The following WDR70 variants were observed in gnomAD, a reference collection of about 807,000 sequenced individuals.
The protein encoded by WDR70 is WD repeat-containing protein 70.
WDR70 carries 53 observed loss-of-function variants against 88.6 expected under a neutral mutation model. The observed-to-expected ratio is 0.60, with a 90% CI of 0.48 to 0.75. WDR70 has a LOEUF of 0.75. Among genes scored for constraint, WDR70 ranks in the 30% least tolerant of loss-of-function variants. The probability of loss-of-function intolerance (pLI) is 0.00; values close to 1 mark genes in which losing one functional copy is unlikely to be tolerated. For missense variants in WDR70, 610 were observed against 823.2 expected (o/e 0.74, Z 3.17); for synonymous variants, 280 against 270.0 (o/e 1.04, Z -0.36).
intron 10 of WDR70, among the ~76,000 whole-genome samples, chr5:37,632,313 C>T (rs7715482): frequency 0.57 from 87,222 of 151,952 alleles, 25,156 homozygotes; most frequent in African/African-American, 0.61. Flanking sequence ...TATACTATAC[C>T]TTTAGTGTAT....
At chr5:37,436,279 T>G (rs1238514763) in intron 5 of WDR70, among the ~76,000 whole-genome samples, 1 of 152,092 alleles carries the variant, frequency 6.6e-6, no homozygotes, top group African/African-American at 2.4e-5. Flanking sequence ...CAAACTCTGT[T>G]AGGAGTTTGA....
intron 10 of WDR70, among the ~76,000 whole-genome samples, chr5:37,636,360 A>G (rs566233553): frequency 6.6e-6 from 1 of 152,336 alleles, no homozygotes; most frequent in Non-Finnish European, 1.5e-5. Context: ...AATAATAGAA[A>G]ATCACCATGA....
intron 13 of WDR70, among the ~76,000 whole-genome samples, chr5:37,713,468 T>A (rs1747572470): frequency 6.6e-6 from 1 of 152,052 alleles, no homozygotes; most frequent in South Asian, 2.1e-4. Context: ...TACACAAAAG[T>A]TTGATATTTT....
At chr5:37,502,939 A>G (rs1292469471) in intron 8 of WDR70, among the ~76,000 whole-genome samples, 1 of 152,214 alleles carries the variant, frequency 6.6e-6, no homozygotes, top group Non-Finnish European at 1.5e-5. Flanking sequence ...ACTAGGCCCC[A>G]CCATCAGCAC....
At chr5:37,487,627 A>ATTTTTTTTTTTTTTTTTTTTTTTTT (rs70978825) in intron 8 of WDR70, among the ~76,000 whole-genome samples, 1 of 69,070 alleles carries the variant, frequency 1.4e-5, no homozygotes, top group African/African-American at 5.0e-5. Context: ...ATATATATGT[A>ATTTTTTTTTTTTTTTTTTTTTTTTT]TTTTTTTTTT....
intron 10 of WDR70, among the ~76,000 whole-genome samples, chr5:37,655,407 C>G (rs1408219613): frequency 6.6e-6 from 1 of 152,034 alleles, no homozygotes; most frequent in East Asian, 1.9e-4. Context: ...GTGAATCTAA[C>G]GATTATGTGT....
intron 17 of WDR70, among the ~76,000 whole-genome samples, chr5:37,737,032 A>G (rs976731903): frequency 5.3e-5 from 8 of 152,164 alleles, no homozygotes; most frequent in Non-Finnish European, 1.0e-4. Context: ...TGTGTTTAAC[A>G]TAAAAATTAA....
chr5:37,744,890 A>G (rs923662633), intron 17 of WDR70, among the ~76,000 whole-genome samples: 2 of 152,190 alleles, frequency 1.3e-5, no homozygotes, highest in Non-Finnish European at 2.9e-5. Context: ...AACTTCCCCA[A>G]CCTAGCAAGA....
chr5:37,595,826 A>T (rs993918808), intron 9 of WDR70, among the ~76,000 whole-genome samples: 1 of 152,130 alleles, frequency 6.6e-6, no homozygotes, highest in Non-Finnish European at 1.5e-5. Flanking sequence ...AAGGAACATA[A>T]ATACTAGGTC....
chr5:37,621,270 G>A (rs1744497787), intron 10 of WDR70, among the ~76,000 whole-genome samples: 1 of 151,892 alleles, frequency 6.6e-6, no homozygotes, highest in Non-Finnish European at 1.5e-5. Context: ...TTTTTAAATT[G>A]TTAGAAATGA....
intron 5 of WDR70, among the ~76,000 whole-genome samples, chr5:37,400,432 C>A (rs1749156537): frequency 6.6e-6 from 1 of 152,118 alleles, no homozygotes; most frequent in Admixed American, 6.6e-5. Context: ...TTTTTAAGTT[C>A]TCTACAGAAA....
chr5:37,608,800 C>T (rs923691541), intron 10 of WDR70, among the ~76,000 whole-genome samples: 1 of 152,122 alleles, frequency 6.6e-6, no homozygotes, highest in African/African-American at 2.4e-5. Context: ...CTTAAGCAGT[C>T]TCCCCACCTC....
intron 9 of WDR70, among the ~76,000 whole-genome samples, chr5:37,568,001 A>C (rs593170): frequency 3.3e-5 from 5 of 152,208 alleles, no homozygotes; most frequent in Admixed American, 6.5e-5. Context: ...CTATTTACCT[A>C]TTCAAGTCCA....
At chr5:37,748,612 A>G (rs1183875175) in intron 17 of WDR70, among the ~76,000 whole-genome samples, 1 of 152,236 alleles carries the variant, frequency 6.6e-6, no homozygotes, top group Non-Finnish European at 1.5e-5. Flanking sequence ...AAAATTGACA[A>G]ATGGGATCTA....
At chr5:37,698,439 A>G (rs1197344468) in intron 11 of WDR70, among the ~76,000 whole-genome samples, 1 of 152,008 alleles carries the variant, frequency 6.6e-6, no homozygotes, top group Non-Finnish European at 1.5e-5. Flanking sequence ...TAGCATGGTA[A>G]GTAGTTTGGA....
At chr5:37,471,651 A>AT (rs1739329887) in intron 7 of WDR70, among the ~76,000 whole-genome samples, 1 of 150,980 alleles carries the variant, frequency 6.6e-6, no homozygotes, top group South Asian at 2.1e-4. Context: ...TATGGTTAGA[A>AT]TTTTTTTGTT....
At chr5:37,410,583 T>C (rs1467119135) in intron 5 of WDR70, among the ~76,000 whole-genome samples, 2 of 152,182 alleles carry the variant, frequency 1.3e-5, no homozygotes, top group East Asian at 1.9e-4. Context: ...TCCAATCATA[T>C]ATTAAGACCT....
At chr5:37,401,063 A>G (rs1749174767) in intron 5 of WDR70, among the ~76,000 whole-genome samples, 1 of 151,914 alleles carries the variant, frequency 6.6e-6, no homozygotes, top group Non-Finnish European at 1.5e-5. Context: ...CAGTGGTGTA[A>G]TCAAAGCTCA....
At chr5:37,448,662 A>G (rs1409406064) in intron 7 of WDR70, among the ~76,000 whole-genome samples, 2 of 152,168 alleles carry the variant, frequency 1.3e-5, no homozygotes, top group East Asian at 3.8e-4. Context: ...TTAACATCTT[A>G]TGGTCCATTT....
Sources: allele counts gnomAD v4.1 joint callset (sites outside exome capture counted in the v4.1 genomes callset), GRCh38; gene constraint gnomAD v4.1.1; transcripts MANE v1.5; gene names NCBI Gene and HGNC (gene_info 2026-07-23, HGNC 2026-07-21).